Variants in ABCA13 observed in about 807,000 individuals in gnomAD.
The protein encoded by ABCA13 is ATP binding cassette subfamily A member 13, also known as ATP-binding cassette sub-family A member 13.
In ABCA13, 476 loss-of-function variants were observed where a neutral mutation model predicts 478.7. The ratio of observed to expected loss-of-function variants is 0.99; its 90% CI spans 0.92 to 1.07. The LOEUF (loss-of-function observed/expected upper bound fraction) is 1.07, where lower values mean the gene tolerates loss of function less well. Ranked by LOEUF, ABCA13 falls within the 50% of genes least tolerant of loss-of-function variation. The probability of loss-of-function intolerance (pLI) is 0.00; values close to 1 mark genes in which losing one functional copy is unlikely to be tolerated. For synonymous variants in ABCA13, 2,252 were observed against 2,158.9 expected (o/e 1.04, Z -1.20); for missense variants, 6,060 against 5,910.6 (o/e 1.03, Z -0.83).
Position 48,403,380 on chromosome 7 carries a change from T to C in ABCA13, c.11874-303T>C, listed in dbSNP as rs569088583. Among the ~76,000 whole-genome samples, 13 of 152,180 alleles carry C rather than the reference T, an allele frequency of 8.5e-5. No individual in the cohort carries two copies. The South Asian group carries it at 2.3e-3, about 27-fold the overall frequency. ...ATGCAGGGCCCTCCCTGGCAGAAGG[T>C]ATGAGTGAAATGAGAGACATGCTTC... On this transcript the variant is annotated intron_variant, in intron 38 of 61. Transcript: ENST00000435803.
At chr7:48,362,505 T>A (rs1025586844) in intron 31 of ABCA13, among the ~76,000 whole-genome samples, 2 of 151,154 alleles carry the variant, frequency 1.3e-5, no homozygotes, top group African/African-American at 4.8e-5. Context: ...GCATTTTGTT[T>A]CAAGTGTGTC....
At position 48,199,471 on chromosome 7, in the gene ABCA13, C is replaced by T. The variant is rs891902168; in HGVS notation, c.287+1111C>T. ...GCATCTCTCCAGGGTCTCTTTTATA[C>T]GGGCACTAATCCTATTCACGAAGGC... is the stretch of plus-strand genomic sequence containing the variant. On this transcript the variant is annotated intron_variant, in intron 3 of 61. Transcript: ENST00000435803. Among the ~76,000 whole-genome samples the T allele has an allele frequency of 8.5e-5, 13 of 152,088 alleles. No homozygotes were observed. In the East Asian group the frequency reaches 1.5e-3, roughly 18 times the overall value.
intron 48 of ABCA13, among the ~76,000 whole-genome samples, chr7:48,498,392 G>A (rs1830457692): frequency 6.6e-6 from 1 of 152,118 alleles, no homozygotes; most frequent in African/African-American, 2.4e-5. Context: ...ATATATGTGA[G>A]GTGATAAGGA....
intron 55 of ABCA13, among the ~76,000 whole-genome samples, chr7:48,571,340 CTTCAT>C (rs1787626337): frequency 6.6e-6 from 1 of 152,136 alleles, no homozygotes; most frequent in African/African-American, 2.4e-5. Flanking sequence ...AGCTTAAAGA[CTTCAT>C]TTAGTAATTT....
At chr7:48,552,600 T>C (rs1785432895) in intron 55 of ABCA13, among the ~76,000 whole-genome samples, 2 of 151,582 alleles carry the variant, frequency 1.3e-5, no homozygotes, top group South Asian at 4.2e-4. Context: ...TGCCTTTTTT[T>C]TTTTTAGAAA....
chr7:48,234,146 A>G lies in ABCA13; in HGVS notation c.892A>G (p.Lys298Glu). The G allele has an allele frequency of 6.2e-7, 1 of 1,613,882 alleles. No homozygotes were observed. Among genetic ancestry groups the G allele is most frequent in the Non-Finnish European group, 8.5e-7 (1 of 1,179,814 alleles). ...GATCCTGAACTCTTCAGCTGAACTG[A>G]AGGAGGTACACATGCTTGACTGCTT... is the stretch of plus-strand genomic sequence containing the variant. ...EQILNSSAELKEIPTDTSLEK... is the reference protein window; with the variant it reads ...EQILNSSAELEEIPTDTSLEK... Residue 298 changes from lysine (K) to glutamate (E), a missense_variant, in exon 8 of 62, where the codon AAG (lysine) becomes GAG (glutamate). Lys to Glu is a moderately conservative substitution (Grantham distance 56). This residue lies in a region of ABCA13 where 4,423 missense variants were observed against 4,309.1 expected (regional missense o/e 1.03). Coordinates refer to ENST00000435803, the MANE Select transcript of ABCA13 (RefSeq NM_152701.5).
Position 48,645,406 on chromosome 7 carries a change from G to T in ABCA13, c.15082-11G>T, listed in dbSNP as rs778007910. On this transcript the variant is annotated splice_polypyrimidine_tract_variant and intron_variant, in intron 61 of 61. Coordinates refer to ENST00000435803, the MANE Select transcript of ABCA13 (RefSeq NM_152701.5). Reference sequence around the variant, plus strand: ...CTTATAAGTAAACAACATTTTTATGGTTTTTTTCAGGTATTTATTAATTTT... The same window carrying T: ...CTTATAAGTAAACAACATTTTTATGTTTTTTTTCAGGTATTTATTAATTTT... 4.1e-5 allele frequency: 64 copies of T among 1,550,010 alleles called. No homozygotes were observed. Among genetic ancestry groups the T allele is most frequent in the Admixed American group, 1.9e-4 (10 of 51,308 alleles).
intron 42 of ABCA13, among the ~76,000 whole-genome samples, chr7:48,444,462 T>A (rs2129172008): frequency 6.6e-6 from 1 of 152,344 alleles, no homozygotes; most frequent in Non-Finnish European, 1.5e-5. Flanking sequence ...ATCTCTAAGC[T>A]GTATCCAGCA....
chr7:48,323,922 T>G (rs1274499782), intron 27 of ABCA13, among the ~76,000 whole-genome samples: 1 of 152,162 alleles, frequency 6.6e-6, no homozygotes, highest in African/African-American at 2.4e-5. Flanking sequence ...CTGCACAAGC[T>G]CTCTTCTCTG....
intron 41 of ABCA13, among the ~76,000 whole-genome samples, chr7:48,414,354 G>A (rs966053131): frequency 1.3e-5 from 2 of 151,974 alleles, no homozygotes; most frequent in East Asian, 1.9e-4. Context: ...TCCCATGGAC[G>A]CTGAGATCTG....
chr7:48,194,837 C>A (rs139603436), intron 2 of ABCA13, among the ~76,000 whole-genome samples: 15 of 134,518 alleles, frequency 1.1e-4, no homozygotes, highest in African/African-American at 4.3e-4. Flanking sequence ...ACCTAAAAAG[C>A]TTTTCAGGGT....
chr7:48,202,470 T>G, intron 3 of ABCA13, among the ~76,000 whole-genome samples: 1 of 149,702 alleles, frequency 6.7e-6, no homozygotes, highest in East Asian at 2.0e-4. Context: ...TTACAAACCT[T>G]GAGCTAGACA....
rs766140215 is a variant in ABCA13, at chr7:48,376,534, A to AT, written c.11303dup (p.Leu3768PhefsTer46). ...ATGATTCTTTTTGATTCAAGCCTTT[A>AT]TTTTTTGTGTGGATGGTACTTGAGC... is the stretch of plus-strand genomic sequence containing the variant. On this transcript the variant is annotated frameshift_variant, in exon 35 of 62. Transcript: ENST00000435803. LOFTEE classifies it high-confidence loss of function. 3.7e-6 allele frequency: 6 copies of AT among 1,613,850 alleles called. No individual in the cohort carries two copies. Among genetic ancestry groups the AT allele is most frequent in the Non-Finnish European group, 3.4e-6 (4 of 1,179,796 alleles).
At chr7:48,493,013 A>C (rs1829977548) in intron 48 of ABCA13, among the ~76,000 whole-genome samples, 1 of 152,066 alleles carries the variant, frequency 6.6e-6, no homozygotes, top group Non-Finnish European at 1.5e-5. Flanking sequence ...AGTCTCAATA[A>C]ATAAATAAAT....
At chr7:48,566,440 T>C (rs1161199951) in intron 55 of ABCA13, among the ~76,000 whole-genome samples, 2 of 152,152 alleles carry the variant, frequency 1.3e-5, no homozygotes, top group African/African-American at 2.4e-5. Flanking sequence ...AAAATGGATG[T>C]GAGCATTTTC....
Position 48,245,513 on chromosome 7 carries a change from A to C in ABCA13, c.1392A>C (p.Glu464Asp), listed in dbSNP as rs1352874151. The change falls in exon 12 of 62, where the codon GAA (glutamate) becomes GAC (aspartate). Residue 464 changes from glutamate (E) to aspartate (D), a missense_variant and splice_region_variant. Transcript: ENST00000435803. ...ATAATCAATTTGTCTACTTTGCAGA[A>C]GTCCTCATTTGCCTGGAGACATCAG... ...AIAQNLHFVQ[E>D]VLICLETSAN... 1.9e-6 allele frequency: 3 copies of C among 1,608,240 alleles called. No homozygotes were observed. Among genetic ancestry groups the C allele is most frequent in the East Asian group, 4.5e-5 (2 of 44,768 alleles).
chr7:48,436,649 A>G (rs1822873066), intron 42 of ABCA13, among the ~76,000 whole-genome samples: 1 of 151,858 alleles, frequency 6.6e-6, no homozygotes, highest in African/African-American at 2.4e-5. Flanking sequence ...TAAGAGAAGA[A>G]TTTAGAGCTA....
chr7:48,603,880 G>C (rs1791174616), intron 58 of ABCA13: 2 of 152,104 alleles, frequency 1.3e-5, no homozygotes, highest in African/African-American at 4.8e-5. Context: ...TGGTTGGTAG[G>C]CTATTAATTA....
chr7:48,464,716 A>G (rs1826676510), intron 43 of ABCA13, among the ~76,000 whole-genome samples: 1 of 149,698 alleles, frequency 6.7e-6, no homozygotes. Flanking sequence ...AATTCAGTGC[A>G]TTGTTAACAT....
Sources: gnomAD v4.1 joint callset for allele counts (sites outside exome capture counted in the v4.1 genomes callset) on GRCh38, gnomAD v4.1.1 for gene constraint, gnomAD v4.1.1 regional missense constraint, MANE v1.5 for transcripts, NCBI Gene and HGNC (gene_info 2026-07-23, HGNC 2026-07-21) for gene names.